PRSS23: variants seen among roughly 807,000 people sequenced by gnomAD.
PRSS23 encodes the protein protease, serine 23.
PRSS23 carries 25 observed loss-of-function variants against 34.7 expected under a neutral mutation model. The ratio of observed to expected loss-of-function variants is 0.72; its 90% CI spans 0.53 to 1.01. PRSS23 has a LOEUF of 1.01. Among genes scored for constraint, PRSS23 ranks in the 50% least tolerant of loss-of-function variants. PRSS23 has a pLI of 0.00. For missense variants in PRSS23, 445 were observed against 475.6 expected, an observed-to-expected ratio of 0.94 and a Z score of 0.60; for synonymous variants, 176 against 186.6, an observed-to-expected ratio of 0.94 and a Z score of 0.46.
downstream of PRSS23, among the ~76,000 whole-genome samples, chr11:86,811,488 G>C (rs1392745286): frequency 6.6e-6 from 1 of 152,182 alleles, no homozygotes; most frequent in South Asian, 2.1e-4. Context: ...GGCAGAACTG[G>C]GGACACATGT....
At chr11:86,951,656 A>G (rs1341131952) in exon 3 of PRSS23, 2 of 1,614,160 alleles carry the variant, frequency 1.2e-6, no homozygotes, top group Non-Finnish European at 1.7e-6. Context: ...TGCATCCACC[A>G]GTCTCATAAT....
downstream of PRSS23, among the ~76,000 whole-genome samples, chr11:86,815,415 A>C (rs7131625): frequency 0.13 from 20,439 of 152,240 alleles, 1,836 homozygotes; most frequent in East Asian, 0.42. Flanking sequence ...CCTGGCATGT[A>C]GGTTCTCAAT....
intron 2 of PRSS23, among the ~76,000 whole-genome samples, chr11:86,828,427 G>T (rs375039912): frequency 6.6e-6 from 1 of 152,076 alleles, no homozygotes; most frequent in African/African-American, 2.4e-5. Flanking sequence ...CAGCACACTG[G>T]TGGGTCTTGA....
chr11:86,848,900 A>T (rs1236575124), intron 2 of PRSS23, among the ~76,000 whole-genome samples: 5 of 152,242 alleles, frequency 3.3e-5, no homozygotes, highest in Non-Finnish European at 7.3e-5. Flanking sequence ...GCTTGTTATC[A>T]GTGCGGTTTG....
intron 2 of PRSS23, among the ~76,000 whole-genome samples, chr11:86,903,360 T>C (rs1338033890): frequency 6.6e-6 from 1 of 152,178 alleles, no homozygotes; most frequent in African/African-American, 2.4e-5. Flanking sequence ...TAATGGTTCA[T>C]ACCCCACTAG....
upstream of PRSS23, among the ~76,000 whole-genome samples, chr11:86,795,804 A>C (rs1256530613): frequency 6.6e-6 from 1 of 152,242 alleles, no homozygotes; most frequent in Non-Finnish European, 1.5e-5. Context: ...TTATCAAAGA[A>C]ATATGAAACC....
At chr11:86,895,191 T>C (rs2134977188) in intron 2 of PRSS23, among the ~76,000 whole-genome samples, 1 of 152,328 alleles carries the variant, frequency 6.6e-6, no homozygotes, top group East Asian at 1.9e-4. Flanking sequence ...CAGGACAGTA[T>C]GGCATATTAG....
At chr11:86,844,424 G>A (rs192381462) in intron 2 of PRSS23, among the ~76,000 whole-genome samples, 1 of 151,614 alleles carries the variant, frequency 6.6e-6, no homozygotes, top group East Asian at 1.9e-4. Flanking sequence ...AAAAAAAATG[G>A]ACATAACCAT....
At chr11:86,949,867 G>T (rs1428646109) in intron 2 of PRSS23, 1 of 152,626 alleles carries the variant, frequency 6.6e-6, no homozygotes, top group Non-Finnish European at 1.5e-5. Flanking sequence ...AGGAGCCTTT[G>T]CCAATTACTA....
chr11:86,829,743 T>C lies in PRSS23; in HGVS notation c.206+6150T>C, dbSNP rs182230364. 3.8e-3 allele frequency among the ~76,000 whole-genome samples: 577 copies of C among 152,372 alleles called. 4 individuals are homozygous for C. The highest frequency in any genetic ancestry group is 6.0e-3 in the Non-Finnish European group (407 of 68,038). On this transcript the variant is annotated intron_variant, in intron 2 of 2. Transcript: ENST00000533902. ...CAGCTGCAGGTCTGTTGGAGTTTGCTAGAGGTCCACTGCAGACCCTGTTTG... is the reference window on the plus strand; with the variant it reads ...CAGCTGCAGGTCTGTTGGAGTTTGCCAGAGGTCCACTGCAGACCCTGTTTG...
chr11:86,923,442 T>A (rs983722889), intron 2 of PRSS23, among the ~76,000 whole-genome samples: 2 of 152,230 alleles, frequency 1.3e-5, no homozygotes, highest in Admixed American at 1.3e-4. Flanking sequence ...TAGAAAATTT[T>A]AAATTACATG....
intron 2 of PRSS23, among the ~76,000 whole-genome samples, chr11:86,854,063 C>G (rs542055623): frequency 5.9e-5 from 9 of 152,124 alleles, no homozygotes; most frequent in Admixed American, 3.3e-4. Context: ...TGCAGTGGCA[C>G]GATCTCGGCT....
chr11:86,860,534 C>T (rs1227547156), intron 2 of PRSS23, among the ~76,000 whole-genome samples: 3 of 151,710 alleles, frequency 2.0e-5, no homozygotes, highest in Non-Finnish European at 4.4e-5. Context: ...TGATATTGTT[C>T]GTAATATCCA....
At chr11:86,841,339 C>CA (rs58223921) in intron 2 of PRSS23, among the ~76,000 whole-genome samples, 75,358 of 103,658 alleles carry the variant, frequency 0.73, 27,367 homozygotes, top group South Asian at 0.77. Flanking sequence ...AACTCCATCT[C>CA]AAAAAAAAAA....
intron 2 of PRSS23, among the ~76,000 whole-genome samples, chr11:86,914,929 G>A (rs1949002207): frequency 6.6e-6 from 1 of 152,172 alleles, no homozygotes; most frequent in Non-Finnish European, 1.5e-5. Flanking sequence ...GAATACAAAT[G>A]GGGCACAAAT....
At chr11:86,884,015 A>G (rs1257039001) in intron 2 of PRSS23, among the ~76,000 whole-genome samples, 1 of 152,048 alleles carries the variant, frequency 6.6e-6, no homozygotes, top group Non-Finnish European at 1.5e-5. Context: ...TTATTTACCC[A>G]CTTCCCAAGA....
chr11:86,945,748 A>G (rs1949237269), intron 2 of PRSS23: 1 of 152,634 alleles, frequency 6.6e-6, no homozygotes, highest in Admixed American at 6.5e-5. Flanking sequence ...TACAGTGATA[A>G]ATTAGAAATT....
intron 2 of PRSS23, among the ~76,000 whole-genome samples, chr11:86,914,992 C>T (rs1011718875): frequency 1.1e-4 from 17 of 152,132 alleles, no homozygotes; most frequent in African/African-American, 3.9e-4. Context: ...AGCATAGAGA[C>T]GTGATTAACC....
chr11:86,851,684 G>C (rs936580820), intron 2 of PRSS23, among the ~76,000 whole-genome samples: 6 of 152,190 alleles, frequency 3.9e-5, no homozygotes, highest in African/African-American at 1.4e-4. Flanking sequence ...ACTAATAACT[G>C]GGAGAAGACT....
Sources: gnomAD v4.1 joint callset for allele counts (sites outside exome capture counted in the v4.1 genomes callset) on GRCh38, gnomAD v4.1.1 for gene constraint, MANE v1.5 for transcripts, NCBI Gene and HGNC (gene_info 2026-07-23, HGNC 2026-07-21) for gene names.